Variants in CDK8 observed in about 807,000 individuals in gnomAD.
The protein encoded by CDK8 is cyclin dependent kinase 8, also known as cyclin-dependent kinase 8.
Under a neutral mutation model 71.5 loss-of-function variants are expected in CDK8, and 29 were observed. That is an observed-to-expected ratio of 0.41 (90% CI 0.30 to 0.55). The LOEUF (loss-of-function observed/expected upper bound fraction) is 0.55, where lower values mean the gene tolerates loss of function less well. Among genes scored for constraint, CDK8 ranks in the 20% least tolerant of loss-of-function variants. CDK8 has a pLI of 0.37. For synonymous variants in CDK8, 161 were observed against 192.1 expected, an observed-to-expected ratio of 0.84 and a Z score of 1.34; for missense variants, 288 against 572.6, an observed-to-expected ratio of 0.50 and a Z score of 5.07.
At chr13:26,301,212 CTTTT>C (rs36054795) in intron 1 of CDK8, among the ~76,000 whole-genome samples, 2 of 92,896 alleles carry the variant, frequency 2.2e-5, no homozygotes, top group Admixed American at 2.4e-4. Context: ...TATCAGTAGA[CTTTT>C]TTTTTTTTTT....
intron 6 of CDK8, among the ~76,000 whole-genome samples, chr13:26,389,313 C>G (rs1005484170): frequency 3.9e-5 from 6 of 152,052 alleles, no homozygotes; most frequent in Admixed American, 3.9e-4. Context: ...GCTTGTGCCA[C>G]CACACCCAGC....
intron 9 of CDK8, chr13:26,400,021 A>G: frequency 4.9e-6 from 1 of 203,788 alleles, no homozygotes; most frequent in Non-Finnish European, 9.9e-6. Context: ...GCCTGGTGTA[A>G]TGGGGAGATT....
At chr13:26,330,982 G>C (rs1409498494) in intron 1 of CDK8, among the ~76,000 whole-genome samples, 1 of 152,114 alleles carries the variant, frequency 6.6e-6, no homozygotes, top group African/African-American at 2.4e-5. Flanking sequence ...GGATTGAATG[G>C]TATTTCGATT....
chr13:26,293,605 A>T, intron 1 of CDK8, among the ~76,000 whole-genome samples: 1 of 6,052 alleles, frequency 1.7e-4, no homozygotes, highest in Non-Finnish European at 1.5e-3. Context: ...CTGTCTCAAA[A>T]AAAAAAAAAA....
At chr13:26,345,589 G>A (rs1321094003) in intron 2 of CDK8, among the ~76,000 whole-genome samples, 1 of 152,114 alleles carries the variant, frequency 6.6e-6, no homozygotes, top group Non-Finnish European at 1.5e-5. Context: ...CACCATGTTG[G>A]CCAGGCTGGT....
intron 1 of CDK8, among the ~76,000 whole-genome samples, chr13:26,332,558 G>A (rs1273292618): frequency 6.6e-6 from 1 of 151,694 alleles, no homozygotes; most frequent in Non-Finnish European, 1.5e-5. Context: ...TGAATTTTGA[G>A]GACTTTTATT....
At chr13:26,277,708 C>T (rs1273635171) in intron 1 of CDK8, among the ~76,000 whole-genome samples, 1 of 152,054 alleles carries the variant, frequency 6.6e-6, no homozygotes, top group Admixed American at 6.5e-5. Context: ...TTTATTTTTA[C>T]CCCCAGTGTT....
At chr13:26,319,656 G>A (rs986909378) in intron 1 of CDK8, among the ~76,000 whole-genome samples, 3 of 148,548 alleles carry the variant, frequency 2.0e-5, no homozygotes, top group Admixed American at 2.0e-4. Flanking sequence ...TACAGATTTA[G>A]TGCAACAACT....
rs983997444 is a variant in CDK8 at position 26,333,167 on chromosome 13, C to G, written c.129-4400C>G. ...TTCTTTTTTTTTTTTGAGACTCAGT[C>G]TCGCTCTCATCCCCCAGGCTGGAGT... On this transcript the variant is annotated intron_variant, in intron 1 of 12. Coordinates refer to ENST00000381527, the MANE Select transcript of CDK8 (RefSeq NM_001260.3). Among the ~76,000 whole-genome samples, 39 of 150,966 alleles carry G rather than the reference C, an allele frequency of 2.6e-4. 1 individual carries two copies. The highest frequency in any genetic ancestry group is 5.2e-4 in the Non-Finnish European group (35 of 67,852).
At chr13:26,403,186 A>C (rs916624002) in intron 12 of CDK8, among the ~76,000 whole-genome samples, 3 of 152,136 alleles carry the variant, frequency 2.0e-5, no homozygotes, top group Non-Finnish European at 4.4e-5. Context: ...TTACTTTTGT[A>C]TATAAACTTG....
At chr13:26,374,759 G>A (rs1874867198) in intron 4 of CDK8, among the ~76,000 whole-genome samples, 1 of 152,092 alleles carries the variant, frequency 6.6e-6, no homozygotes, top group Non-Finnish European at 1.5e-5. Context: ...AAAATTATAT[G>A]ATGTAGATAT....
intron 4 of CDK8, among the ~76,000 whole-genome samples, chr13:26,366,338 T>A (rs1874385208): frequency 6.6e-6 from 1 of 152,146 alleles, no homozygotes; most frequent in Non-Finnish European, 1.5e-5. Context: ...TTCAAGTTCT[T>A]GTGTACATTT....
intron 4 of CDK8, among the ~76,000 whole-genome samples, chr13:26,365,255 A>T (rs1351083234): frequency 6.6e-6 from 1 of 152,148 alleles, no homozygotes; most frequent in Non-Finnish European, 1.5e-5. Flanking sequence ...CATTGTGACT[A>T]TTGTGCTTAT....
intron 1 of CDK8, among the ~76,000 whole-genome samples, chr13:26,309,264 C>A (rs530351465): frequency 6.6e-6 from 1 of 151,912 alleles, no homozygotes; most frequent in African/African-American, 2.4e-5. Flanking sequence ...CTCAGCCTCC[C>A]GAGTAGCTGG....
chr13:26,340,231 T>A (rs973196750), intron 2 of CDK8, among the ~76,000 whole-genome samples: 1 of 152,178 alleles, frequency 6.6e-6, no homozygotes, highest in Non-Finnish European at 1.5e-5. Flanking sequence ...ATTTTTCCTT[T>A]TATCTATGAG....
At chr13:26,255,912 G>C (rs1455364278) in intron 1 of CDK8, among the ~76,000 whole-genome samples, 1 of 152,148 alleles carries the variant, frequency 6.6e-6, no homozygotes, top group East Asian at 1.9e-4. Context: ...CCTACTGTGG[G>C]GTAGGGGGGC....
At position 26,254,265 on chromosome 13, in the gene CDK8, C is replaced by T. The variant is rs1430662734; in HGVS notation, c.-377C>T. 3.6e-6 allele frequency: 1 copy of T among 278,234 alleles called. No individual in the cohort carries two copies. The highest frequency in any genetic ancestry group is 6.9e-6 in the Non-Finnish European group (1 of 145,826). The allele number at this position is 278,234 out of a possible 1,614,324, so 17.2% of individuals were successfully genotyped here. ...GTGAGAGGACGAGAGCCCGCCTGGCCGCCCCGCCGCTCCCGCCGCAGCAGG... is the reference window on the plus strand; with the variant it reads ...GTGAGAGGACGAGAGCCCGCCTGGCTGCCCCGCCGCTCCCGCCGCAGCAGG... On this transcript the variant is annotated 5_prime_UTR_variant, in exon 1 of 13. Coordinates refer to ENST00000381527, the MANE Select transcript of CDK8 (RefSeq NM_001260.3). This position sits in a 1 kb window ranked among gnomAD's most constrained non-coding sequence, Gnocchi z 6.7.
At chr13:26,295,539 G>A (rs994590949) in intron 1 of CDK8, among the ~76,000 whole-genome samples, 3 of 152,194 alleles carry the variant, frequency 2.0e-5, no homozygotes, top group African/African-American at 7.2e-5. Context: ...GTCTTGCAGA[G>A]TAAAGAGTCT....
intron 1 of CDK8, among the ~76,000 whole-genome samples, chr13:26,261,679 A>G (rs1351059763): frequency 9.2e-5 from 14 of 152,184 alleles, no homozygotes; most frequent in Admixed American, 1.3e-4. Flanking sequence ...CATTGTATAG[A>G]TATACCACAT....
Sources: gnomAD v4.1 joint callset for allele counts (sites outside exome capture counted in the v4.1 genomes callset) on GRCh38, gnomAD v4.1.1 for gene constraint, Gnocchi (gnomAD v3.1) non-coding constraint, MANE v1.5 for transcripts, NCBI Gene and HGNC (gene_info 2026-07-23, HGNC 2026-07-21) for gene names.